The following CSMD1 variants were observed in gnomAD, a reference collection of about 807,000 sequenced individuals.
CSMD1 encodes CUB and Sushi multiple domains 1, also known as CUB and sushi domain-containing protein 1.
CSMD1 carries 213 observed loss-of-function variants against 417.5 expected under a neutral mutation model. That is an observed-to-expected ratio of 0.51 (90% CI 0.46 to 0.57). The LOEUF is 0.57. CSMD1 is among the 20% of genes least tolerant of loss of function. The pLI, the probability that CSMD1 is intolerant of heterozygous loss-of-function variation, is 0.00. For missense variants in CSMD1, 6,923 were observed against 4,529.7 expected (o/e 1.53, Z -15.17); for synonymous variants, 2,862 against 1,736.8 (o/e 1.65, Z -16.11).
chr8:3,056,387 T>G (rs1812221952), intron 49 of CSMD1, among the ~76,000 whole-genome samples: 1 of 152,238 alleles, frequency 6.6e-6, no homozygotes, highest in Admixed American at 6.5e-5. Flanking sequence ...TTTTTCTTTT[T>G]GAGACAAGGT....
At position 3,396,203 on chromosome 8, in the gene CSMD1, G is replaced by C. The variant is rs1346735447; in HGVS notation, c.2584C>G (p.His862Asp). The stretch of plus-strand genomic sequence containing the variant: ...GGAAGGTGCAACTCACTCTCATAGT[G>C]GATGAGGAAGCCGATGCTGGAGCGG... ...NSRSSIGFLI[H>D]YESVTLESDS... The change falls in exon 17 of 70, where the codon CAC becomes GAC. Residue 862 changes from histidine to aspartate, a missense_variant. Transcript: ENST00000635120. 1 of 1,560,398 alleles carries C rather than the reference G, an allele frequency of 6.4e-7. No homozygotes were observed. Among genetic ancestry groups the C allele is most frequent in the Non-Finnish European group, 8.7e-7 (1 of 1,152,262 alleles).
chr8:4,540,003 CG>C (rs2130508685), intron 2 of CSMD1, among the ~76,000 whole-genome samples: 1 of 152,256 alleles, frequency 6.6e-6, no homozygotes, highest in East Asian at 1.9e-4. Context: ...AGCCGCTCAC[CG>C]GGGCCCTCTT....
intron 50 of CSMD1, among the ~76,000 whole-genome samples, chr8:3,034,874 C>T (rs533746214): frequency 1.3e-5 from 2 of 152,178 alleles, no homozygotes; most frequent in East Asian, 3.9e-4. Flanking sequence ...AGAACTGGAG[C>T]AAAAATATGA....
chr8:4,455,354 C>A (rs1799403045), intron 2 of CSMD1, among the ~76,000 whole-genome samples: 2 of 152,220 alleles, frequency 1.3e-5, no homozygotes, highest in East Asian at 1.9e-4. Flanking sequence ...CTAAGTGACA[C>A]CCAGAAGCTG....
intron 1 of CSMD1, among the ~76,000 whole-genome samples, chr8:4,757,508 G>C (rs1389030052): frequency 6.6e-6 from 1 of 152,288 alleles, no homozygotes; most frequent in South Asian, 2.1e-4. Context: ...CACACTGCAA[G>C]AGGGAGAACT....
chr8:3,325,556 G>A (rs1050845846), intron 23 of CSMD1, among the ~76,000 whole-genome samples: 4 of 152,182 alleles, frequency 2.6e-5, no homozygotes, highest in African/African-American at 9.7e-5. Context: ...GGGCATGCTG[G>A]CTCACGCCTG....
chr8:3,982,881 G>A (rs906467923), intron 5 of CSMD1, among the ~76,000 whole-genome samples: 20 of 152,082 alleles, frequency 1.3e-4, no homozygotes, highest in African/African-American at 4.8e-4. Context: ...AACCATTAGC[G>A]TTTCCTACCC....
chr8:4,853,975 T>G (rs999531825), intron 1 of CSMD1, among the ~76,000 whole-genome samples: 15 of 152,170 alleles, frequency 9.9e-5, no homozygotes, highest in Non-Finnish European at 2.1e-4. Context: ...TTTTTTTCCT[T>G]TGGTATGAGA....
intron 3 of CSMD1, among the ~76,000 whole-genome samples, chr8:4,290,532 G>A (rs1797304327): frequency 6.6e-6 from 1 of 152,120 alleles, no homozygotes; most frequent in South Asian, 2.1e-4. Context: ...TCTGAGTTAT[G>A]GGGGAAAACA....
chr8:4,265,091 T>G (rs554253614), intron 3 of CSMD1, among the ~76,000 whole-genome samples: 2 of 152,298 alleles, frequency 1.3e-5, no homozygotes, highest in African/African-American at 4.8e-5. Flanking sequence ...ATCATCATAT[T>G]CAGAGCTCTT....
At chr8:3,887,260 G>T (rs1367528449) in intron 5 of CSMD1, among the ~76,000 whole-genome samples, 3 of 152,198 alleles carry the variant, frequency 2.0e-5, no homozygotes, top group East Asian at 1.9e-4. Flanking sequence ...TTGCACAGCA[G>T]TGGTGACACA....
intron 2 of CSMD1, among the ~76,000 whole-genome samples, chr8:4,505,353 G>C (rs1307194621): frequency 6.6e-6 from 1 of 152,110 alleles, no homozygotes; most frequent in East Asian, 1.9e-4. Flanking sequence ...TTTACTCAGA[G>C]ATCACTGAAC....
At chr8:2,981,007 C>A (rs1585088619) in intron 54 of CSMD1, among the ~76,000 whole-genome samples, 2 of 152,210 alleles carry the variant, frequency 1.3e-5, no homozygotes, top group African/African-American at 4.8e-5. Context: ...TCTCATGCAC[C>A]TTTTCAGTCC....
At chr8:3,838,974 TAA>T (rs1231957121) in intron 5 of CSMD1, among the ~76,000 whole-genome samples, 1,251 of 124,646 alleles carry the variant, frequency 0.01, 41 homozygotes, top group African/African-American at 0.037. Context: ...ATATTATATA[TAA>T]TATATTATAT....
rs555494714 is a variant in CSMD1, at chr8:3,604,991, C to A, written c.1097+11719G>T. ...CATTTAAAAAAATGATTCAATAACA[C>A]AACTTAAAAGAAAGCAGTTCTTTTG... On this transcript the variant is annotated intron_variant, in intron 8 of 69. Coordinates refer to ENST00000635120, the MANE Select transcript of CSMD1 (RefSeq NM_033225.6). Among the ~76,000 whole-genome samples the A allele has an allele frequency of 1.6e-3, 251 of 152,260 alleles. 2 individuals carry two copies. Among genetic ancestry groups the A allele is most frequent in the African/African-American group, 6.0e-3 (248 of 41,548 alleles).
intron 2 of CSMD1, among the ~76,000 whole-genome samples, chr8:4,441,495 CAGAG>C (rs1563177074): frequency 6.6e-6 from 1 of 151,940 alleles, no homozygotes; most frequent in African/African-American, 2.4e-5. Flanking sequence ...AGGTATTTTA[CAGAG>C]AGAGAATGCA....
intron 3 of CSMD1, among the ~76,000 whole-genome samples, chr8:4,368,073 T>C (rs1802190120): frequency 6.6e-6 from 1 of 152,160 alleles, no homozygotes; most frequent in South Asian, 2.1e-4. Context: ...AAAGTGCGCA[T>C]CCTTGTCTCA....
chr8:3,635,084 C>T (rs1273364764), intron 7 of CSMD1, among the ~76,000 whole-genome samples: 1 of 152,080 alleles, frequency 6.6e-6, no homozygotes, highest in Admixed American at 6.6e-5. Context: ...AAGATACTTA[C>T]TATAAACAGA....
At chr8:4,501,331 C>T (rs1196364694) in intron 2 of CSMD1, among the ~76,000 whole-genome samples, 2 of 151,984 alleles carry the variant, frequency 1.3e-5, no homozygotes, top group Admixed American at 6.6e-5. Flanking sequence ...GTAAGATTAA[C>T]GGTCATCATC....
Sources: gnomAD v4.1 joint callset for allele counts (sites outside exome capture counted in the v4.1 genomes callset) on GRCh38, gnomAD v4.1.1 for gene constraint, MANE v1.5 for transcripts, NCBI Gene and HGNC (gene_info 2026-07-23, HGNC 2026-07-21) for gene names.